Variants in TFPT observed in about 807,000 individuals in gnomAD.
TFPT encodes the protein INO80 complex subunit F.
A neutral mutation model predicts 28.8 loss-of-function variants in TFPT; 27 were observed. The ratio of observed to expected loss-of-function variants is 0.94; its 90% CI spans 0.69 to 1.29. The LOEUF (loss-of-function observed/expected upper bound fraction) is 1.29. TFPT is among the 50% of genes most tolerant of loss of function. The probability of loss-of-function intolerance (pLI) is 0.00; values close to 1 mark genes in which losing one functional copy is unlikely to be tolerated. For missense variants in TFPT, 330 were observed against 338.0 expected, an observed-to-expected ratio of 0.98 and a Z score of 0.19; for synonymous variants, 152 against 142.8, an observed-to-expected ratio of 1.06 and a Z score of -0.46.
chr19:54,114,292 A>G, intron 2 of TFPT, 150 bp downstream of exon 2: 4 of 1,327,270 alleles, frequency 3.0e-6, no homozygotes, highest in South Asian at 2.9e-5. Flanking sequence ...GGCCAGACAC[A>G]TAATGCATGC....
At chr19:54,108,481 T>C (rs781444306) in intron 3 of TFPT, 86 bp from the exon 4 acceptor site, 19 of 1,613,562 alleles carry the variant, frequency 1.2e-5, no homozygotes, top group Non-Finnish European at 1.6e-5. Flanking sequence ...CAGCTCCCAC[T>C]CCACTCAACG....
chr19:54,107,924 C>T, intron 5 of TFPT, 102 bp downstream of exon 5: 1 of 1,288,488 alleles, frequency 7.8e-7, no homozygotes, highest in Non-Finnish European at 1.1e-6. Context: ...GAACCTAACT[C>T]AGCCCCAGCC....
At chr19:54,111,220 G>A (rs963011392) in intron 2 of TFPT, among the ~76,000 whole-genome samples, 1 of 152,176 alleles carries the variant, frequency 6.6e-6, no homozygotes, top group Non-Finnish European at 1.5e-5. Flanking sequence ...GACAGTGGCT[G>A]AAGCAGGTGC....
At chr19:54,115,131 G>A in intron 1 of TFPT, 116 bp downstream of exon 1, 1 of 1,496,664 alleles carries the variant, frequency 6.7e-7, no homozygotes, top group Non-Finnish European at 9.3e-7. Context: ...AGGTAAAGCA[G>A]TTGCATGAAC....
At position 54,111,269 on chromosome 19, in the gene TFPT, A is replaced by G. The variant is rs373618354; in HGVS notation, c.283-1148T>C. Among the ~76,000 whole-genome samples, 35 of 152,224 alleles carry G rather than the reference A, an allele frequency of 2.3e-4. No homozygotes were observed. The East Asian group carries it at 4.8e-3, about 21-fold the overall frequency. ...GAAAGACCTGAGTTCCGGGCGGGGCACAGTGGCTCACGCCTGTAATCCCAG... is the reference window on the plus strand; with the variant it reads ...GAAAGACCTGAGTTCCGGGCGGGGCGCAGTGGCTCACGCCTGTAATCCCAG... On this transcript the variant is annotated intron_variant, in intron 2 of 5. Coordinates refer to ENST00000391759, the MANE Select transcript of TFPT (RefSeq NM_013342.4).
chr19:54,115,102 A>G (rs1568575701), intron 1 of TFPT, 145 bp downstream of exon 1: 1 of 1,256,630 alleles, frequency 8.0e-7, no homozygotes, highest in Non-Finnish European at 1.1e-6. Context: ...GGATGACCCC[A>G]GTCCATAAAA....
intron 5 of TFPT, 93 bp downstream of exon 5, chr19:54,107,933 C>G: frequency 1.5e-6 from 2 of 1,358,934 alleles, no homozygotes; most frequent in Admixed American, 4.8e-5. Context: ...TCAGCCCCAG[C>G]CCTGGCCCCT....
In TFPT at chr19:54,108,054, G is replaced by A. The variant is rs545448952; in HGVS notation, c.614C>T (p.Ala205Val). 3.0e-5 allele frequency: 46 copies of A among 1,537,202 alleles called. No individual in the cohort carries two copies. In the African/African-American group the frequency reaches 3.0e-4, roughly 10 times the overall value. The change falls in exon 5 of 6, where the codon GCG (alanine) becomes GTG (valine). Residue 205 changes from alanine (A) to valine (V), a missense_variant. Ala to Val is a moderately conservative substitution (Grantham distance 64). Coordinates refer to ENST00000391759, the MANE Select transcript of TFPT (RefSeq NM_013342.4). ...VPRDGRRAGN[A>V]LTPELAPVQI... ...CACCGGGGCCAGCTCTGGAGTCAGC[G>A]CATTTCCTGCTCGGCGTCCATCCCG...
rs1428812214 is a variant in TFPT, at chr19:54,107,882, C to T, written c.642+144G>A. On this transcript the variant is annotated intron_variant, in intron 5 of 5. Coordinates refer to ENST00000391759, the MANE Select transcript of TFPT (RefSeq NM_013342.4). ...TCCAACTTTCCCCAGCCCTGGGCCC[C>T]TCGGGGTGCAGAACCAAAACCCAAG... 1.3e-5 allele frequency: 10 copies of T among 772,148 alleles called. No individual in the cohort carries two copies. The Admixed American group carries it at 3.5e-4, about 27-fold the overall frequency. The allele number at this position is 772,148 out of a possible 1,614,324, so 47.8% of individuals were successfully genotyped here.
At position 54,115,469 on chromosome 19, in the gene TFPT, T is replaced by TA; in HGVS notation, c.-201dup. The TA allele has an allele frequency of 1.5e-6, 1 of 654,538 alleles. No homozygotes were observed. The highest frequency in any genetic ancestry group is 2.6e-6 in the Non-Finnish European group (1 of 382,248). 40.5% of individuals were successfully genotyped at this position (654,538 alleles called of 1,614,324 possible). ...CCCACGTCCACCCCGAATCCCTGCT[T>TA]AAAGGCCTTGCTTTCTTGTCTAACG... On this transcript the variant is annotated 5_prime_UTR_variant, in exon 1 of 6. Transcript: ENST00000391759.
Position 54,107,216 on chromosome 19 carries a change from A to G in TFPT, c.643-47T>C, listed in dbSNP as rs187099874. ...GTGTTAACAGGCCTGGGAATCTAGA[A>G]AATCCCATCAGCTTCACCATTTTTG... is the stretch of plus-strand genomic sequence containing the variant. On this transcript the variant is annotated intron_variant, in intron 5 of 5. Coordinates refer to ENST00000391759, the MANE Select transcript of TFPT (RefSeq NM_013342.4). 2.6e-5 allele frequency: 41 copies of G among 1,582,546 alleles called. No homozygotes were observed. The African/African-American group carries it at 5.6e-4, about 22-fold the overall frequency.
intron 1 of TFPT, 119 bp downstream of exon 1, chr19:54,115,128 G>C: frequency 6.8e-7 from 1 of 1,467,032 alleles, no homozygotes; most frequent in East Asian, 2.3e-5. Flanking sequence ...CTAAGGTAAA[G>C]CAGTTGCATG....
rs2073595616 is a variant in TFPT, at chr19:54,115,361, C to T, written c.-92G>A. On this transcript the variant is annotated 5_prime_UTR_variant, in exon 1 of 6. Transcript: ENST00000391759. The stretch of plus-strand genomic sequence containing the variant: ...TCGCAAAACTACTTGTCCCATCAGG[C>T]TCAGCAGCCGAGGACGGCGGGACGT... 2 of 1,591,134 alleles carry T rather than the reference C, an allele frequency of 1.3e-6. No individual in the cohort carries two copies. The highest frequency in any genetic ancestry group is 1.7e-6 in the Non-Finnish European group (2 of 1,162,772).
Position 54,108,235 on chromosome 19 carries a change from T to C in TFPT, c.433A>G (p.Ser145Gly). ...QFTIVLEDEG[S>G]QGTDAPTPGN... ...GGGGTGGGGGCATCCGTGCCCTGGC[T>C]GCCCTCATCCTGGCAGGCAGGAGGG... The change falls in exon 5 of 6, where the codon AGC becomes GGC. Residue 145 changes from serine (S) to glycine (G), a missense_variant. Transcript: ENST00000391759. The C allele has an allele frequency of 6.3e-7, 1 of 1,591,264 alleles. No individual in the cohort carries two copies. Among genetic ancestry groups the C allele is most frequent in the Non-Finnish European group, 8.6e-7 (1 of 1,167,986 alleles).
chr19:54,114,503 T>TGGC lies in TFPT; in HGVS notation c.218_220dup (p.Arg73dup), dbSNP rs774254221. ...GTACTTTCTGCGATTTAATTCCCGC[T>TGGC]GGCGCCGCCGCCGACCCCGGGCTGC... On this transcript the variant is annotated inframe_insertion, in exon 2 of 6. Coordinates refer to ENST00000391759, the MANE Select transcript of TFPT (RefSeq NM_013342.4). 1 of 1,613,948 alleles carries TGGC rather than the reference T, an allele frequency of 6.2e-7. No individual in the cohort carries two copies. The highest frequency in any genetic ancestry group is 8.5e-7 in the Non-Finnish European group (1 of 1,180,006).
intron 2 of TFPT, among the ~76,000 whole-genome samples, chr19:54,112,286 G>A (rs1203972248): frequency 1.3e-5 from 2 of 151,532 alleles, no homozygotes; most frequent in Admixed American, 1.3e-4. Flanking sequence ...ATCTGCCACT[G>A]CTGAGCTCTG....
chr19:54,109,713 A>C (rs1600296249), intron 3 of TFPT, among the ~76,000 whole-genome samples: 1 of 144,236 alleles, frequency 6.9e-6, no homozygotes, highest in African/African-American at 2.6e-5. Flanking sequence ...GTCACACAGC[A>C]AAAAAAAAAG....
chr19:54,109,769 T>C (rs2073388197), intron 3 of TFPT, among the ~76,000 whole-genome samples: 1 of 30,852 alleles, frequency 3.2e-5, no homozygotes, highest in Admixed American at 2.5e-4. Context: ...TCCATCCTGC[T>C]GTTCCCTCCC....
intron 5 of TFPT, 78 bp from the exon 6 acceptor site, chr19:54,107,247 ATTTTGTTTTGC>A (rs2073296195): frequency 6.4e-7 from 1 of 1,565,108 alleles, no homozygotes. Context: ...TTTTGTTTTC[ATTTTGTTTTGC>A]TTTTTAAAGA....
Sources: allele counts gnomAD v4.1 joint callset (sites outside exome capture counted in the v4.1 genomes callset), GRCh38; gene constraint gnomAD v4.1.1; transcripts MANE v1.5; gene names NCBI Gene and HGNC (gene_info 2026-07-23, HGNC 2026-07-21).